LILRB1: variants seen among roughly 807,000 people sequenced by gnomAD.
The protein encoded by LILRB1 is leukocyte immunoglobulin like receptor B1.
In LILRB1, 59 loss-of-function variants were observed where a neutral mutation model predicts 74.6. The ratio of observed to expected loss-of-function variants is 0.79; its 90% confidence interval spans 0.64 to 0.98. LILRB1 has a LOEUF of 0.98. LILRB1 is among the 50% of genes least tolerant of loss of function. The pLI, the probability that LILRB1 is intolerant of heterozygous loss-of-function variation, is 0.00. For missense variants in LILRB1, 804 were observed against 822.6 expected (o/e 0.98, Z 0.28); for synonymous variants, 328 against 333.9 (o/e 0.98, Z 0.19).
intron 1 of LILRB1, among the ~76,000 whole-genome samples, chr19:54,620,298 G>A (rs750931369): frequency 6.2e-4 from 95 of 152,206 alleles, no homozygotes; most frequent in Middle Eastern, 3.4e-3. Flanking sequence ...GTTATAATCA[G>A]TTTCTTAAAA....
chr19:54,634,889 A>G (rs2064256271), intron 10 of LILRB1, 126 bp downstream of exon 10: 1 of 1,517,620 alleles, frequency 6.6e-7, no homozygotes, highest in Non-Finnish European at 8.9e-7. Flanking sequence ...CACCAGGCCA[A>G]TCGACAGTCA....
At position 54,636,789 on chromosome 19, in the gene LILRB1, C is replaced by G. The variant is rs752108032; in HGVS notation, c.1870C>G (p.Leu624Val). The G allele has an allele frequency of 1.2e-6, 2 of 1,613,238 alleles. No homozygotes were observed. Among genetic ancestry groups the G allele is most frequent in the Non-Finnish European group, 1.7e-6 (2 of 1,179,424 alleles). ...VTYAQLHSLT[L>V]RREATEPPPS... The stretch of plus-strand genomic sequence containing the variant: ...CTACGCCCAGCTGCACAGCTTGACC[C>G]TCAGACGGGAGGCAACTGAGCCTCC... The change falls in exon 15 of 15, where the codon CTC (leucine) becomes GTC (valine). Residue 624 changes from leucine (L) to valine (V), a missense_variant. By Grantham distance (32) the Leu-to-Val change is conservative. Transcript: ENST00000324602.
intron 1 of LILRB1, among the ~76,000 whole-genome samples, chr19:54,618,943 C>T (rs1030483124): frequency 6.6e-6 from 1 of 152,032 alleles, no homozygotes; most frequent in African/African-American, 2.4e-5. Context: ...AAACTTGTCA[C>T]ATAATTTACA....
At chr19:54,617,141 C>T (rs2063328039), upstream of LILRB1, 1 of 152,090 alleles carries the variant, frequency 6.6e-6, no homozygotes, top group Non-Finnish European at 1.5e-5. Flanking sequence ...AGCTCACTTC[C>T]TCCTTTAAGA....
intron 9 of LILRB1, chr19:54,634,230 G>A (rs1406164286): frequency 2.7e-6 from 4 of 1,497,584 alleles, no homozygotes; most frequent in Admixed American, 4.4e-5. Flanking sequence ...CCTGGGAGAG[G>A]AGGCCTCCCA....
chr19:54,616,807 AAAAG>A (rs2063322285), upstream of LILRB1, among the ~76,000 whole-genome samples: 1 of 152,162 alleles, frequency 6.6e-6, no homozygotes, highest in South Asian at 2.1e-4. Flanking sequence ...CTCAGCTTAA[AAAAG>A]AAAGGGCATT....
At chr19:54,619,462 G>A (rs1165399155) in intron 1 of LILRB1, among the ~76,000 whole-genome samples, 1 of 152,006 alleles carries the variant, frequency 6.6e-6, no homozygotes, top group Non-Finnish European at 1.5e-5. Flanking sequence ...TTAAAACAAG[G>A]TTTTAGTAAA....
chr19:54,633,001 C>G lies in LILRB1; in HGVS notation c.959-15C>G, dbSNP rs778999243. 3 of 1,608,576 alleles carry G rather than the reference C, an allele frequency of 1.9e-6. No individual in the cohort carries two copies. The highest frequency in any genetic ancestry group is 2.6e-6 in the Non-Finnish European group (3 of 1,176,330). On this transcript the variant is annotated splice_polypyrimidine_tract_variant and intron_variant, in intron 6 of 14. Coordinates refer to ENST00000324602, the MANE Select transcript of LILRB1 (RefSeq NM_001081637.3). ...CAAGGTGGGGCAGCCCCTCGCCCAT[C>G]CTTCTTCTCTCCAGGACAGTTCTAT...
At chr19:54,632,940 T>C in intron 6 of LILRB1, 76 bp from the exon 7 acceptor site, 1 of 1,566,710 alleles carries the variant, frequency 6.4e-7, no homozygotes, top group Non-Finnish European at 8.7e-7. Flanking sequence ...ACACTGAGGG[T>C]CCCAGAGGGA....
intron 1 of LILRB1, among the ~76,000 whole-genome samples, chr19:54,617,975 CT>C (rs1364478545): frequency 1.3e-5 from 2 of 151,694 alleles, no homozygotes; most frequent in Admixed American, 6.6e-5. Context: ...TAGTGGCACA[CT>C]CGTAATCCCA....
intron 13 of LILRB1, 35 bp downstream of exon 13, chr19:54,635,644 C>T: frequency 3.7e-6 from 6 of 1,608,718 alleles, no homozygotes; most frequent in African/African-American, 1.3e-5. Flanking sequence ...CACCAAAGGC[C>T]TCCTGGTGCC....
intron 1 of LILRB1, among the ~76,000 whole-genome samples, chr19:54,619,445 T>A (rs2063397314): frequency 6.6e-6 from 1 of 152,136 alleles, no homozygotes; most frequent in African/African-American, 2.4e-5. Context: ...CAAAACTAAA[T>A]AATTGGTTAA....
chr19:54,617,548 G>T (rs1444566159), intron 1 of LILRB1, among the ~76,000 whole-genome samples: 3 of 106,762 alleles, frequency 2.8e-5, no homozygotes, highest in African/African-American at 1.0e-4. Context: ...AAAGCTACAG[G>T]ATGTCTGTGT....
At chr19:54,623,389 GA>G (rs1303072390) in intron 1 of LILRB1, among the ~76,000 whole-genome samples, 1 of 152,166 alleles carries the variant, frequency 6.6e-6, no homozygotes, top group Non-Finnish European at 1.5e-5. Flanking sequence ...GCGATCTTAG[GA>G]AGTTGTATGT....
At chr19:54,631,908 T>C in intron 4 of LILRB1, 27 bp from the exon 5 acceptor site, 1 of 1,610,444 alleles carries the variant, frequency 6.2e-7, no homozygotes, top group Middle Eastern at 1.7e-4. Flanking sequence ...TGAGCCACAT[T>C]TAACACGGTG....
chr19:54,629,184 T>C (rs890011136), upstream of LILRB1, among the ~76,000 whole-genome samples: 6 of 152,160 alleles, frequency 3.9e-5, no homozygotes, highest in African/African-American at 1.2e-4. Flanking sequence ...GCAAGACTTG[T>C]GTATATGAAC....
chr19:54,626,701 T>C (rs900173647), upstream of LILRB1, among the ~76,000 whole-genome samples: 1 of 152,242 alleles, frequency 6.6e-6, no homozygotes, highest in African/African-American at 2.4e-5. Flanking sequence ...GCCTGTTTTT[T>C]CTGTAATGGA....
intron 1 of LILRB1, among the ~76,000 whole-genome samples, chr19:54,618,551 T>C (rs1600304369): frequency 6.6e-6 from 1 of 152,340 alleles, no homozygotes. Flanking sequence ...GGCTCACGCC[T>C]GTAACCCCAG....
intron 9 of LILRB1, 49 bp downstream of exon 9, chr19:54,634,070 G>C: frequency 6.4e-7 from 1 of 1,561,616 alleles, no homozygotes. Context: ...AGGGGAGGCA[G>C]GGGTGGGTTC....
Sources: allele counts gnomAD v4.1 joint callset (sites outside exome capture counted in the v4.1 genomes callset), GRCh38; gene constraint gnomAD v4.1.1; transcripts MANE v1.5; gene names NCBI Gene and HGNC (gene_info 2026-07-23, HGNC 2026-07-21).